AGBL4: variants seen among roughly 807,000 people sequenced by gnomAD.
AGBL4 encodes cytosolic carboxypeptidase 6.
AGBL4 carries 58 observed loss-of-function variants against 66.4 expected under a neutral mutation model. The ratio of observed to expected loss-of-function variants is 0.87; its 90% CI spans 0.71 to 1.09. The LOEUF (loss-of-function observed/expected upper bound fraction) is 1.09, where lower values mean the gene tolerates loss of function less well. Ranked by LOEUF, AGBL4 falls within the 50% of genes least tolerant of loss-of-function variation. AGBL4 has a pLI of 0.00. For synonymous variants in AGBL4, 234 were observed against 222.9 expected, an observed-to-expected ratio of 1.05 and a Z score of -0.44; for missense variants, 579 against 631.0, an observed-to-expected ratio of 0.92 and a Z score of 0.88.
chr1:49,223,451 C>A (rs184971553), intron 4 of AGBL4, among the ~76,000 whole-genome samples: 30 of 152,240 alleles, frequency 2.0e-4, no homozygotes, highest in Non-Finnish European at 3.5e-4. Context: ...GTGGGGCAGC[C>A]ATTCTTTCAT....
At chr1:49,848,517 A>G (rs931844788) in intron 2 of AGBL4, among the ~76,000 whole-genome samples, 6 of 152,212 alleles carry the variant, frequency 3.9e-5, no homozygotes, top group South Asian at 2.1e-4. Context: ...TTGCAGCAAC[A>G]TGGATGGAAC....
chr1:49,753,053 ATT>A (rs1366539951), intron 2 of AGBL4, among the ~76,000 whole-genome samples: 1 of 152,212 alleles, frequency 6.6e-6, no homozygotes, highest in Non-Finnish European at 1.5e-5. Context: ...TAATTGGGGC[ATT>A]TAGCCCATTT....
intron 3 of AGBL4, among the ~76,000 whole-genome samples, chr1:49,530,273 C>CAACAAAA (rs1651009483): frequency 8.9e-6 from 1 of 111,928 alleles, no homozygotes; most frequent in African/African-American, 3.6e-5. Context: ...AAAAAAAAAA[C>CAACAAAA]AAAAAAAAAC....
Position 49,202,637 on chromosome 1 carries a change from T to TA in AGBL4, c.377+43132dup, listed in dbSNP as rs1647800429. ...TCAAAATGGGATAAAGACCTAAATA[T>TA]AAGACCTTAAACTATAAAACTCATA... is the stretch of plus-strand genomic sequence containing the variant. On this transcript the variant is annotated intron_variant, in intron 4 of 13. Coordinates refer to ENST00000371839, the MANE Select transcript of AGBL4 (RefSeq NM_032785.4). Among the ~76,000 whole-genome samples the TA allele has an allele frequency of 2.0e-5, 3 of 152,040 alleles. No individual in the cohort carries two copies. In the South Asian group the frequency reaches 6.2e-4, roughly 32 times the overall value.
chr1:49,368,082 C>T (rs907758424), intron 3 of AGBL4, among the ~76,000 whole-genome samples: 1 of 152,118 alleles, frequency 6.6e-6, no homozygotes, highest in Non-Finnish European at 1.5e-5. Flanking sequence ...CATGTTGTAG[C>T]ATGTATCAGT....
At chr1:49,574,639 C>A (rs1021446469) in intron 3 of AGBL4, among the ~76,000 whole-genome samples, 1 of 152,054 alleles carries the variant, frequency 6.6e-6, no homozygotes, top group Non-Finnish European at 1.5e-5. Flanking sequence ...ACAGTGGGAA[C>A]CACAGTCACT....
chr1:49,925,589 C>T (rs372500172), intron 1 of AGBL4, among the ~76,000 whole-genome samples: 9 of 152,208 alleles, frequency 5.9e-5, no homozygotes, highest in African/African-American at 1.4e-4. Flanking sequence ...GTCTCTGATT[C>T]GGGCCATTGC....
chr1:49,356,555 T>C (rs1644023887), intron 3 of AGBL4, among the ~76,000 whole-genome samples: 1 of 152,198 alleles, frequency 6.6e-6, no homozygotes. Context: ...TAAGACACTA[T>C]CAGCACAGCA....
chr1:50,008,707 A>G (rs1661316439), intron 1 of AGBL4, among the ~76,000 whole-genome samples: 3 of 152,024 alleles, frequency 2.0e-5, no homozygotes, highest in African/African-American at 7.2e-5. Flanking sequence ...AAAGATTAAC[A>G]AAACAAAAAA....
intron 4 of AGBL4, among the ~76,000 whole-genome samples, chr1:49,191,810 A>G (rs1223844658): frequency 6.6e-6 from 1 of 152,198 alleles, no homozygotes; most frequent in Non-Finnish European, 1.5e-5. Flanking sequence ...TTTTATGGCT[A>G]CATAGTATTC....
intron 2 of AGBL4, among the ~76,000 whole-genome samples, chr1:49,827,008 T>C (rs1306382495): frequency 1.3e-5 from 2 of 152,178 alleles, no homozygotes; most frequent in South Asian, 4.1e-4. Flanking sequence ...AAAGAGAGTA[T>C]CATAATTAAC....
At chr1:48,922,873 A>G (rs1402139270) in intron 5 of AGBL4, among the ~76,000 whole-genome samples, 5 of 151,846 alleles carry the variant, frequency 3.3e-5, no homozygotes, top group Admixed American at 3.3e-4. Flanking sequence ...TGCTCACAGT[A>G]TATTAAATGA....
intron 3 of AGBL4, among the ~76,000 whole-genome samples, chr1:49,689,768 T>C (rs1646852011): frequency 1.3e-5 from 2 of 152,196 alleles, no homozygotes; most frequent in Admixed American, 6.5e-5. Context: ...TAGTCTTCCA[T>C]AAACGAGAGC....
intron 3 of AGBL4, among the ~76,000 whole-genome samples, chr1:49,625,236 CTTAAA>C (rs1290708686): frequency 2.2e-4 from 33 of 152,120 alleles, no homozygotes. Flanking sequence ...TATATCTTAG[CTTAAA>C]TTAATCATAA....
At chr1:48,660,264 C>T (rs1449724225) in intron 7 of AGBL4, among the ~76,000 whole-genome samples, 1 of 152,240 alleles carries the variant, frequency 6.6e-6, no homozygotes, top group Non-Finnish European at 1.5e-5. Context: ...GGTGACAGGA[C>T]TTCACTCTAC....
chr1:49,977,672 T>A (rs1658683236), intron 1 of AGBL4, among the ~76,000 whole-genome samples: 2 of 152,254 alleles, frequency 1.3e-5, no homozygotes, highest in African/African-American at 2.4e-5. Flanking sequence ...CACTTCATTT[T>A]AAAATATTAT....
At chr1:48,897,724 G>C (rs1651659327) in intron 5 of AGBL4, among the ~76,000 whole-genome samples, 1 of 150,666 alleles carries the variant, frequency 6.6e-6, no homozygotes, top group Admixed American at 6.6e-5. Context: ...CTAATGATTA[G>C]TAATGTTGAG....
chr1:49,918,680 C>T (rs1442401230), intron 1 of AGBL4, among the ~76,000 whole-genome samples: 3 of 152,168 alleles, frequency 2.0e-5, no homozygotes, highest in Admixed American at 6.5e-5. Flanking sequence ...GGTACCATTC[C>T]TTCTGAAACT....
chr1:49,016,019 C>T (rs1325362808), intron 5 of AGBL4, among the ~76,000 whole-genome samples: 1 of 152,176 alleles, frequency 6.6e-6, no homozygotes, highest in Non-Finnish European at 1.5e-5. Context: ...GACACCACCA[C>T]CCACTTCACA....
Sources: allele counts gnomAD v4.1 joint callset (sites outside exome capture counted in the v4.1 genomes callset), GRCh38; gene constraint gnomAD v4.1.1; transcripts MANE v1.5; gene names NCBI Gene and HGNC (gene_info 2026-07-23, HGNC 2026-07-21).